Variants in PYHIN1 observed in about 807,000 individuals in gnomAD.
The protein encoded by PYHIN1 is pyrin and HIN domain-containing protein 1.
In PYHIN1, 32 loss-of-function variants were observed where a neutral mutation model predicts 43.7. The observed-to-expected ratio is 0.73, with a 90% CI of 0.55 to 0.98. PYHIN1 has a LOEUF of 0.98. Among genes scored for constraint, PYHIN1 ranks in the 50% least tolerant of loss-of-function variants. The pLI is 0.00. For missense variants in PYHIN1, 588 were observed against 589.5 expected (o/e 1.00, Z 0.03); for synonymous variants, 205 against 203.1 (o/e 1.01, Z -0.08).
intron 1 of PYHIN1, among the ~76,000 whole-genome samples, chr1:158,935,018 C>G (rs1365847729): frequency 6.6e-6 from 1 of 152,168 alleles, no homozygotes; most frequent in Non-Finnish European, 1.5e-5. Flanking sequence ...AAAAAGGAAA[C>G]AGGAATCCAT....
intron 8 of PYHIN1, among the ~76,000 whole-genome samples, chr1:158,976,444 G>T (rs1229272188): frequency 6.6e-6 from 1 of 151,980 alleles, no homozygotes; most frequent in African/African-American, 2.4e-5. Context: ...ATTGTTCCCT[G>T]ACATCTCCTG....
At chr1:158,939,433 A>C (rs539378663) in intron 4 of PYHIN1, 186 bp downstream of exon 4, 3 of 1,553,428 alleles carry the variant, frequency 1.9e-6, no homozygotes, top group Non-Finnish European at 2.6e-6. Context: ...ATTATCTCTG[A>C]CTGCAGGAAG....
chr1:158,989,014 T>G, the PYHIN1 span, among the ~76,000 whole-genome samples: 1 of 152,198 alleles, frequency 6.6e-6, no homozygotes, highest in Non-Finnish European at 1.5e-5. Context: ...TAAAATCTCA[T>G]ATAATTTTCT....
At chr1:158,945,972 T>C (rs1479558605) in intron 7 of PYHIN1, among the ~76,000 whole-genome samples, 3 of 152,190 alleles carry the variant, frequency 2.0e-5, no homozygotes, top group Non-Finnish European at 4.4e-5. Context: ...AAAGACAGTG[T>C]TAGAGTCAGG....
chr1:158,971,597 T>A (rs750960986), intron 7 of PYHIN1, among the ~76,000 whole-genome samples: 4 of 151,956 alleles, frequency 2.6e-5, no homozygotes, highest in Admixed American at 2.6e-4. Context: ...AAAATGAAGA[T>A]CAGTATCCCC....
At chr1:158,957,793 G>A (rs900131047) in intron 7 of PYHIN1, among the ~76,000 whole-genome samples, 2 of 145,734 alleles carry the variant, frequency 1.4e-5, no homozygotes, top group African/African-American at 5.1e-5. Context: ...CACAGCAAAA[G>A]AAACTACCAT....
the PYHIN1 span, among the ~76,000 whole-genome samples, chr1:158,989,996 A>G: frequency 6.6e-6 from 1 of 152,152 alleles, no homozygotes; most frequent in African/African-American, 2.4e-5. Flanking sequence ...TATTAAGAAC[A>G]CAATAGAATG....
chr1:158,949,521 C>A (rs922677834), intron 7 of PYHIN1, among the ~76,000 whole-genome samples: 2 of 149,122 alleles, frequency 1.3e-5, no homozygotes, highest in Admixed American at 6.7e-5. Flanking sequence ...TCCCAATGCT[C>A]TCCCTTCCCC....
At chr1:158,948,231 G>A (rs1649333266) in intron 7 of PYHIN1, among the ~76,000 whole-genome samples, 2 of 152,194 alleles carry the variant, frequency 1.3e-5, no homozygotes, top group African/African-American at 4.8e-5. Flanking sequence ...CAGTCAGAGT[G>A]ACCCCCAGGA....
chr1:158,944,778 A>G (rs1420709856), intron 6 of PYHIN1, 97 bp from the exon 7 acceptor site: 7 of 917,786 alleles, frequency 7.6e-6, no homozygotes, highest in Non-Finnish European at 1.1e-5. Flanking sequence ...AATGACATCT[A>G]TTAGAATTTA....
chr1:158,939,220 A>G lies in PYHIN1; in HGVS notation c.552A>G (p.Ser184=). The G allele has an allele frequency of 6.2e-7, 1 of 1,606,674 alleles. No homozygotes were observed. Among genetic ancestry groups the G allele is most frequent in the Non-Finnish European group, 8.5e-7 (1 of 1,177,726 alleles). ...GRSPPPQTSS[S]APPNTSSTES... ...CCCCACCTCCCCAGACCTCATCATCAGCTCCACCCAACACTTCCTCAACTG... is the reference window on the plus strand; with the variant it reads ...CCCCACCTCCCCAGACCTCATCATCGGCTCCACCCAACACTTCCTCAACTG... Residue 184 remains serine, a synonymous_variant, in exon 4 of 9, where the codon TCA becomes TCG. Coordinates refer to ENST00000368140, the MANE Select transcript of PYHIN1 (RefSeq NM_152501.5).
rs752495260 is a variant in PYHIN1, at chr1:158,944,962, G to A, written c.1279G>A (p.Ala427Thr). 17 of 1,613,686 alleles carry A rather than the reference G, an allele frequency of 1.1e-5. No individual in the cohort carries two copies. Among genetic ancestry groups the A allele is most frequent in the Non-Finnish European group, 1.4e-5 (17 of 1,179,850 alleles). The change falls in exon 7 of 9, where the codon GCC (alanine) becomes ACC (threonine). Residue 427 changes from alanine to threonine, a missense_variant. Physicochemically the swap from Ala to Thr is moderately conservative, Grantham distance 58. Transcript: ENST00000368140. ...EQSQHPKPSE[A>T]STTLPESHLK... is the part of the protein sequence containing the mutation. ...GAGTCAGCATCCAAAACCTTCAGAG[G>A]CCAGCACAACCCTACCTGAAAGCCA...
At position 158,935,576 on chromosome 1, in the gene PYHIN1, C is replaced by A. The variant is rs77751301; in HGVS notation, c.-20-1315C>A. The stretch of plus-strand genomic sequence containing the variant: ...CAGGAAAGTGATAGTTTTATGGGCA[C>A]AGAGGACAAATATGGCAGGGTCCAA... On this transcript the variant is annotated intron_variant, in intron 1 of 8. Transcript: ENST00000368140. Among the ~76,000 whole-genome samples the A allele has an allele frequency of 7.5e-3, 1,134 of 152,202 alleles. 13 individuals are homozygous for A. Among genetic ancestry groups the A allele is most frequent in the African/African-American group, 0.026 (1,067 of 41,522 alleles).
chr1:158,975,347 G>C (rs1651195642), intron 8 of PYHIN1, among the ~76,000 whole-genome samples: 1 of 151,964 alleles, frequency 6.6e-6, no homozygotes, highest in Non-Finnish European at 1.5e-5. Context: ...CTAAATCAAA[G>C]AGCCCAGAAT....
intron 5 of PYHIN1, among the ~76,000 whole-genome samples, chr1:158,943,244 T>A (rs1426529520): frequency 2.0e-5 from 3 of 152,142 alleles, no homozygotes; most frequent in Non-Finnish European, 4.4e-5. Context: ...TCCAGAACGA[T>A]GAGTAATAGC....
At chr1:158,952,117 T>G (rs951394968) in intron 7 of PYHIN1, among the ~76,000 whole-genome samples, 8 of 149,516 alleles carry the variant, frequency 5.4e-5, no homozygotes, top group African/African-American at 2.0e-4. Flanking sequence ...GGTTTTTTTT[T>G]TTTTTTTTTT....
chr1:158,953,733 G>T lies in PYHIN1; in HGVS notation c.1359+8691G>T, dbSNP rs558676530. ...AGAAACGCAGTTCCTCACCAGCAAC[G>T]GAACAAAGCTGGATGGAGAATGACT... On this transcript the variant is annotated intron_variant, in intron 7 of 8. Coordinates refer to ENST00000368140, the MANE Select transcript of PYHIN1 (RefSeq NM_152501.5). 2.8e-4 allele frequency among the ~76,000 whole-genome samples: 43 copies of T among 152,280 alleles called. 1 individual carries two copies. Among genetic ancestry groups the T allele is most frequent in the Middle Eastern group, 6.8e-3 (2 of 294 alleles).
At chr1:158,957,377 A>C (rs1423042475) in intron 7 of PYHIN1, among the ~76,000 whole-genome samples, 1 of 152,190 alleles carries the variant, frequency 6.6e-6, no homozygotes, top group African/African-American at 2.4e-5. Flanking sequence ...ACAGTAACCA[A>C]AACAACATGG....
the PYHIN1 span, among the ~76,000 whole-genome samples, chr1:158,986,483 G>C: frequency 6.6e-6 from 1 of 152,132 alleles, no homozygotes; most frequent in Non-Finnish European, 1.5e-5. Flanking sequence ...CACTGAAGGG[G>C]CTGAGGTGTT....
Sources: gnomAD v4.1 joint callset for allele counts (sites outside exome capture counted in the v4.1 genomes callset) on GRCh38, gnomAD v4.1.1 for gene constraint, MANE v1.5 for transcripts, NCBI Gene and HGNC (gene_info 2026-07-23, HGNC 2026-07-21) for gene names.